Variants in VPS53 observed in about 807,000 individuals in gnomAD.
The protein encoded by VPS53 is VPS53 subunit of GARP complex.
Under a neutral mutation model 107.0 loss-of-function variants are expected in VPS53, and 70 were observed. The observed-to-expected ratio is 0.65, with a 90% confidence interval of 0.54 to 0.80. VPS53 has a LOEUF of 0.80. Among genes scored for constraint, VPS53 ranks in the 30% least tolerant of loss-of-function variants. The probability of loss-of-function intolerance (pLI) is 0.00; values close to 1 mark genes in which losing one functional copy is unlikely to be tolerated. For missense variants in VPS53, 917 were observed against 1,049.4 expected (o/e 0.87, Z 1.74); for synonymous variants, 409 against 393.3 (o/e 1.04, Z -0.47).
At chr17:671,244 G>GGAAAA (rs397814219) in intron 4 of VPS53, among the ~76,000 whole-genome samples, 1 of 125,428 alleles carries the variant, frequency 8.0e-6, no homozygotes, top group East Asian at 2.3e-4. Context: ...AGAAAAGAAA[G>GGAAAA]AAGAAAGGAA....
intron 12 of VPS53, among the ~76,000 whole-genome samples, chr17:599,774 AAC>A (rs71893311): frequency 0.13 from 14,111 of 110,452 alleles, 679 homozygotes; most frequent in East Asian, 0.3. Context: ...TAAAAAAAAA[AAC>A]AAAAACAAAA....
At chr17:651,171 A>C (rs967568342) in intron 7 of VPS53, among the ~76,000 whole-genome samples, 1 of 152,222 alleles carries the variant, frequency 6.6e-6, no homozygotes, top group Admixed American at 6.5e-5. Context: ...GATAGCCATT[A>C]AACTACAGAT....
At chr17:522,460 T>A (rs1410854956) in intron 19 of VPS53, among the ~76,000 whole-genome samples, 2 of 152,226 alleles carry the variant, frequency 1.3e-5, no homozygotes, top group Admixed American at 1.3e-4. Context: ...TAAAGAAGAA[T>A]CGTGATTTAA....
At chr17:700,724 A>G (rs1327266564) in intron 2 of VPS53, among the ~76,000 whole-genome samples, 1 of 152,202 alleles carries the variant, frequency 6.6e-6, no homozygotes, top group Non-Finnish European at 1.5e-5. Context: ...GAGGAGGTAC[A>G]ATTTTATAGT....
chr17:712,177 C>CTTTTTTTTTTTTTTT (rs35522489), intron 1 of VPS53, among the ~76,000 whole-genome samples: 2 of 98,466 alleles, frequency 2.0e-5, no homozygotes, highest in Non-Finnish European at 1.9e-5. Flanking sequence ...TGACTTTCGC[C>CTTTTTTTTTTTTTTT]TTTTTTTTTT....
intron 4 of VPS53, among the ~76,000 whole-genome samples, chr17:693,400 G>A (rs1011631298): frequency 6.6e-6 from 1 of 152,186 alleles, no homozygotes; most frequent in Admixed American, 6.5e-5. Context: ...ATCCACTGGG[G>A]GTCTTGGAAT....
At chr17:679,500 C>T (rs1475912521) in intron 4 of VPS53, among the ~76,000 whole-genome samples, 5 of 151,948 alleles carry the variant, frequency 3.3e-5, no homozygotes, top group Non-Finnish European at 7.4e-5. Context: ...AGCAACAGAG[C>T]AAGACTCCGT....
At chr17:561,109 C>T (rs1015847154) in intron 14 of VPS53, among the ~76,000 whole-genome samples, 4 of 151,870 alleles carry the variant, frequency 2.6e-5, no homozygotes, top group Non-Finnish European at 1.5e-5. Context: ...AGGATATAAG[C>T]GAATGTTAAG....
chr17:610,127 T>TCACACA (rs200106767), intron 11 of VPS53, among the ~76,000 whole-genome samples: 11 of 134,610 alleles, frequency 8.2e-5, no homozygotes, highest in African/African-American at 2.9e-4. Context: ...TGAGACTCCG[T>TCACACA]CACACACACA....
chr17:626,871 C>T (rs1380187767), intron 10 of VPS53, among the ~76,000 whole-genome samples: 1 of 152,076 alleles, frequency 6.6e-6, no homozygotes, highest in Non-Finnish European at 1.5e-5. Flanking sequence ...ACATGCGATA[C>T]CGACTAGGGG....
intron 13 of VPS53, among the ~76,000 whole-genome samples, chr17:585,401 A>C (rs1168173805): frequency 2.0e-5 from 3 of 152,238 alleles, no homozygotes; most frequent in Non-Finnish European, 4.4e-5. Context: ...TCATGCCTGT[A>C]ATTCCAGCAC....
intron 13 of VPS53, among the ~76,000 whole-genome samples, chr17:571,602 G>A (rs1914093843): frequency 6.6e-6 from 1 of 151,156 alleles, no homozygotes; most frequent in Non-Finnish European, 1.5e-5. Flanking sequence ...AGCCGAAGCT[G>A]GACTGTGCTG....
At chr17:614,345 T>A (rs1969038425) in intron 11 of VPS53, among the ~76,000 whole-genome samples, 2 of 152,322 alleles carry the variant, frequency 1.3e-5, no homozygotes, top group South Asian at 4.1e-4. Context: ...TTCAACCATG[T>A]AAAATATATA....
chr17:582,908 C>T (rs1967118214), intron 13 of VPS53, among the ~76,000 whole-genome samples: 1 of 151,924 alleles, frequency 6.6e-6, no homozygotes, highest in African/African-American at 2.4e-5. Flanking sequence ...AATGCGTTCC[C>T]AGAGAACCTC....
intron 13 of VPS53, among the ~76,000 whole-genome samples, chr17:577,710 A>G (rs994001926): frequency 6.6e-6 from 1 of 151,404 alleles, no homozygotes; most frequent in African/African-American, 2.4e-5. Flanking sequence ...AACCTTCCTA[A>G]GCACGTAATT....
At chr17:587,041 TA>T (rs1038712982) in intron 12 of VPS53, among the ~76,000 whole-genome samples, 5 of 146,920 alleles carry the variant, frequency 3.4e-5, no homozygotes, top group Non-Finnish European at 4.5e-5. Context: ...CACGAGTTCC[TA>T]AAAAAAAAAC....
intron 13 of VPS53, among the ~76,000 whole-genome samples, chr17:565,403 C>CAAAAAAAAAAAAAAAAAA (rs535932031): frequency 8.5e-5 from 7 of 82,512 alleles, no homozygotes; most frequent in Non-Finnish European, 9.1e-5. Flanking sequence ...AACCCCATCT[C>CAAAAAAAAAAAAAAAAAA]AAAAAAAAAA....
chr17:647,953 C>T (rs1056116571), intron 7 of VPS53, among the ~76,000 whole-genome samples: 9 of 152,308 alleles, frequency 5.9e-5, no homozygotes, highest in Admixed American at 1.3e-4. Context: ...GGCCGCTGTC[C>T]GTGTCTGCAC....
Position 631,587 on chromosome 17 carries a change from G to A in VPS53, c.650C>T (p.Ala217Val), listed in dbSNP as rs1298984294. ...AQTELGQQIL[A>V]DFEEAFPSQG... ...GGAAGGAAACGCTTCTTCAAAATCTGCCAGGATTTGCTGTCCTAACTCAGT... is the reference window on the plus strand; with the variant it reads ...GGAAGGAAACGCTTCTTCAAAATCTACCAGGATTTGCTGTCCTAACTCAGT... The change falls in exon 8 of 22, where the codon GCA (alanine) becomes GTA (valine). Residue 217 changes from alanine to valine, a missense_variant. Transcript: ENST00000437048. 3 of 1,614,078 alleles carry A rather than the reference G, an allele frequency of 1.9e-6. No individual in the cohort carries two copies. The highest frequency in any genetic ancestry group is 2.5e-6 in the Non-Finnish European group (3 of 1,179,992).
Sources: allele counts gnomAD v4.1 joint callset (sites outside exome capture counted in the v4.1 genomes callset), GRCh38; gene constraint gnomAD v4.1.1; transcripts MANE v1.5; gene names NCBI Gene and HGNC (gene_info 2026-07-23, HGNC 2026-07-21).